Variants in NTM observed in about 807,000 individuals in gnomAD.
The protein encoded by NTM is IgLON family member 2.
In NTM, 13 loss-of-function variants were observed where a neutral mutation model predicts 42.1. The observed-to-expected ratio is 0.31, with a 90% CI of 0.20 to 0.49. The LOEUF is 0.49. Ranked by LOEUF, NTM falls within the 20% of genes least tolerant of loss-of-function variation. The probability of loss-of-function intolerance (pLI) is 0.99; values close to 1 mark genes in which losing one functional copy is unlikely to be tolerated. For synonymous variants in NTM, 187 were observed against 179.2 expected, an observed-to-expected ratio of 1.04 and a Z score of -0.35; for missense variants, 373 against 452.8, an observed-to-expected ratio of 0.82 and a Z score of 1.60.
chr11:131,635,551 AAG>A (rs1334608082), intron 1 of NTM, among the ~76,000 whole-genome samples: 3 of 152,176 alleles, frequency 2.0e-5, no homozygotes, highest in African/African-American at 7.2e-5. Context: ...ATTACTATAA[AAG>A]AGTTTAAAAG....
At chr11:131,545,156 A>C (rs1180847107) in intron 1 of NTM, among the ~76,000 whole-genome samples, 1 of 152,186 alleles carries the variant, frequency 6.6e-6, no homozygotes, top group Admixed American at 6.5e-5. Context: ...AAAGAATGTA[A>C]ATAAACAGTG....
intron 1 of NTM, among the ~76,000 whole-genome samples, chr11:131,738,556 G>C (rs527826027): frequency 1.3e-5 from 2 of 152,334 alleles, no homozygotes; most frequent in Admixed American, 1.3e-4. Flanking sequence ...AATATTGTGA[G>C]TTCTAGAGGA....
chr11:132,248,395 GT>G (rs35880319), intron 4 of NTM, among the ~76,000 whole-genome samples: 46 of 145,484 alleles, frequency 3.2e-4, no homozygotes, highest in Admixed American at 1.2e-3. Flanking sequence ...AGCCCTTGAG[GT>G]TTTTTTTTTC....
intron 3 of NTM, among the ~76,000 whole-genome samples, chr11:132,196,757 CTG>C (rs1266503050): frequency 3.3e-5 from 5 of 152,114 alleles, no homozygotes; most frequent in African/African-American, 1.2e-4. Flanking sequence ...AAACAATAGA[CTG>C]TAGTGACTAC....
intron 2 of NTM, among the ~76,000 whole-genome samples, chr11:132,133,701 C>T (rs928134446): frequency 4.6e-5 from 7 of 152,150 alleles, no homozygotes; most frequent in African/African-American, 1.4e-4. Context: ...CGAGGCCTAA[C>T]GTATTTGGGA....
At chr11:131,375,197 T>C (rs1941795376) in intron 1 of NTM, among the ~76,000 whole-genome samples, 1 of 152,074 alleles carries the variant, frequency 6.6e-6, no homozygotes, top group African/African-American at 2.4e-5. Flanking sequence ...TGCGGGCCTA[T>C]CTCCCCACCT....
At chr11:131,810,108 C>T (rs748956219) in intron 1 of NTM, among the ~76,000 whole-genome samples, 3 of 152,182 alleles carry the variant, frequency 2.0e-5, no homozygotes, top group Non-Finnish European at 4.4e-5. Context: ...GGGTTCATTA[C>T]TCTGGATGTC....
intron 1 of NTM, chr11:131,661,106 T>A (rs2739287): frequency 3.3e-6 from 4 of 1,209,534 alleles, no homozygotes; most frequent in African/African-American, 1.6e-5. Context: ...GTCTTCCCCC[T>A]AGATTCGGTG....
In NTM at chr11:131,682,847, GCAGCCGCTGTTT is replaced by G. The variant is rs201563268; in HGVS notation, c.83-228715_83-228704del. On this transcript the variant is annotated intron_variant, in intron 1 of 8. Transcript: ENST00000683400. ...ACCCAGTACCTACTGGATCACGGTG[GCAGCCGCTGTTT>G]CCTGGGAAGCATGTTGCGCCCACAC... Among the ~76,000 whole-genome samples the G allele has an allele frequency of 6.9e-3, 1,049 of 152,238 alleles. 4 individuals carry two copies. The highest frequency in any genetic ancestry group is 0.011 in the Non-Finnish European group (720 of 68,026).
intron 2 of NTM, among the ~76,000 whole-genome samples, chr11:132,013,712 C>G (rs1357648578): frequency 6.6e-6 from 1 of 152,074 alleles, no homozygotes; most frequent in African/African-American, 2.4e-5. Flanking sequence ...TAAAATTTAT[C>G]CACTTTAAGT....
chr11:132,182,545 G>A (rs11222965), intron 3 of NTM, among the ~76,000 whole-genome samples: 1 of 152,178 alleles, frequency 6.6e-6, no homozygotes, highest in African/African-American at 2.4e-5. Flanking sequence ...ATGCCCACAA[G>A]CAATGTGCAC....
chr11:131,383,293 CACA>C (rs944072911), intron 1 of NTM, among the ~76,000 whole-genome samples: 14 of 152,162 alleles, frequency 9.2e-5, no homozygotes, highest in African/African-American at 2.9e-4. Flanking sequence ...ATTAGGCATA[CACA>C]ACAACAAGGC....
chr11:131,589,680 C>T (rs1479755404), intron 1 of NTM, among the ~76,000 whole-genome samples: 3 of 152,184 alleles, frequency 2.0e-5, no homozygotes, highest in East Asian at 1.9e-4. Context: ...ACCCCTTCCT[C>T]GTCACTTTTG....
rs1281747702 is a variant in NTM, at chr11:132,003,713, T to G, written c.167+92065T>G. On this transcript the variant is annotated intron_variant, in intron 2 of 8. Transcript: ENST00000683400. This position sits in a 1 kb window ranked among gnomAD's most constrained non-coding sequence, Gnocchi z 6.0. ...ATCACATGTCCCACATGGAGCCCAC[T>G]CTTTCCCATGGTACAAAACCCTCCT... Among the ~76,000 whole-genome samples, 1 of 152,180 alleles carries G rather than the reference T, an allele frequency of 6.6e-6. No individual in the cohort carries two copies. The highest frequency in any genetic ancestry group is 2.4e-5 in the African/African-American group (1 of 41,450).
At chr11:132,240,067 GTCCATCCA>G (rs547649451) in intron 4 of NTM, among the ~76,000 whole-genome samples, 3 of 91,032 alleles carry the variant, frequency 3.3e-5, no homozygotes, top group African/African-American at 8.4e-5. Context: ...CCCTCCATCC[GTCCATCCA>G]TCCATCCATC....
chr11:131,514,084 C>T (rs188822426), intron 1 of NTM, among the ~76,000 whole-genome samples: 7 of 152,194 alleles, frequency 4.6e-5, no homozygotes, highest in African/African-American at 1.2e-4. Context: ...CTGACAGCGT[C>T]GCTAATGTCC....
At chr11:131,807,363 G>T (rs746757137) in intron 1 of NTM, among the ~76,000 whole-genome samples, 2 of 152,170 alleles carry the variant, frequency 1.3e-5, no homozygotes, top group East Asian at 1.9e-4. Context: ...GACAAGAAAA[G>T]CTACAAGGCC....
At chr11:131,631,409 A>G (rs530300271) in intron 1 of NTM, among the ~76,000 whole-genome samples, 1 of 152,356 alleles carries the variant, frequency 6.6e-6, no homozygotes, top group African/African-American at 2.4e-5. Flanking sequence ...GCTAGAAATT[A>G]TCAAAGCAAG....
intron 1 of NTM, among the ~76,000 whole-genome samples, chr11:131,554,026 A>C (rs1224125291): frequency 6.6e-6 from 1 of 152,196 alleles, no homozygotes; most frequent in African/African-American, 2.4e-5. Context: ...CAACTGTTCA[A>C]GGACCAGATC....
Sources: allele counts gnomAD v4.1 joint callset (sites outside exome capture counted in the v4.1 genomes callset), GRCh38; gene constraint gnomAD v4.1.1; non-coding constraint Gnocchi (gnomAD v3.1); transcripts MANE v1.5; gene names NCBI Gene and HGNC (gene_info 2026-07-23, HGNC 2026-07-21).